Variants in ADAM18 observed in about 807,000 individuals in gnomAD.
ADAM18 encodes the protein ADAM metallopeptidase domain 18, also known as disintegrin and metalloproteinase domain-containing protein 18.
ADAM18 carries 117 observed loss-of-function variants against 94.4 expected under a neutral mutation model. The ratio of observed to expected loss-of-function variants is 1.24; its 90% CI spans 1.07 to 1.45. The LOEUF is 1.45. ADAM18 is among the 40% of genes most tolerant of loss of function. The pLI is 0.00. For synonymous variants in ADAM18, 327 were observed against 291.6 expected (o/e 1.12, Z -1.24); for missense variants, 936 against 880.0 (o/e 1.06, Z -0.81).
At chr8:39,626,658 A>G (rs1311266374) in intron 6 of ADAM18, among the ~76,000 whole-genome samples, 1 of 152,004 alleles carries the variant, frequency 6.6e-6, no homozygotes, top group Non-Finnish European at 1.5e-5. Context: ...GTTTATTGTT[A>G]ACCCCAAAAT....
intron 12 of ADAM18, among the ~76,000 whole-genome samples, chr8:39,660,536 A>C (rs1261632171): frequency 1.3e-5 from 2 of 152,214 alleles, no homozygotes. Flanking sequence ...ATAATTCATC[A>C]AGAATACATA....
At chr8:39,676,387 G>A (rs1466425150) in intron 14 of ADAM18, among the ~76,000 whole-genome samples, 1 of 152,224 alleles carries the variant, frequency 6.6e-6, no homozygotes, top group Non-Finnish European at 1.5e-5. Flanking sequence ...CTGCCACCTT[G>A]CAGATTGATC....
chr8:39,642,717 T>C (rs547238150), intron 10 of ADAM18, among the ~76,000 whole-genome samples: 58 of 151,712 alleles, frequency 3.8e-4, no homozygotes, highest in African/African-American at 1.3e-3. Context: ...TGTTTTCTTG[T>C]TGTTTTCATT....
chr8:39,694,449 T>G (rs187170778), intron 17 of ADAM18, among the ~76,000 whole-genome samples: 253 of 151,570 alleles, frequency 1.7e-3, no homozygotes, highest in Non-Finnish European at 2.6e-3. Context: ...CTGTTTTTAG[T>G]TCAATTTTTG....
At chr8:39,620,331 G>A in intron 6 of ADAM18, among the ~76,000 whole-genome samples, 1 of 125,398 alleles carries the variant, frequency 8.0e-6, no homozygotes, top group Admixed American at 9.1e-5. Context: ...TTTTAGACAG[G>A]ACCTCAAAAG....
chr8:39,683,611 A>G, intron 16 of ADAM18, among the ~76,000 whole-genome samples: 1 of 152,240 alleles, frequency 6.6e-6, no homozygotes, highest in Middle Eastern at 3.4e-3. Context: ...TTATTTACTC[A>G]TTTTTATATG....
chr8:39,632,191 G>C (rs1463875250), intron 7 of ADAM18, among the ~76,000 whole-genome samples: 1 of 150,370 alleles, frequency 6.7e-6, no homozygotes, highest in Non-Finnish European at 1.5e-5. Flanking sequence ...CATGTATTTA[G>C]TAATTTACCT....
At chr8:39,676,785 A>G (rs1821315173) in intron 14 of ADAM18, among the ~76,000 whole-genome samples, 1 of 152,192 alleles carries the variant, frequency 6.6e-6, no homozygotes, top group Non-Finnish European at 1.5e-5. Context: ...TGGCAAGTGT[A>G]TTATTTTCTA....
intron 13 of ADAM18, among the ~76,000 whole-genome samples, chr8:39,664,991 C>T (rs1820955196): frequency 6.6e-6 from 1 of 151,842 alleles, no homozygotes; most frequent in African/African-American, 2.4e-5. Flanking sequence ...TGAATATTCC[C>T]AAGTGTCAGA....
intron 17 of ADAM18, among the ~76,000 whole-genome samples, chr8:39,701,217 AT>A (rs1372193714): frequency 2.8e-5 from 4 of 141,604 alleles, no homozygotes; most frequent in Admixed American, 7.2e-5. Context: ...CCATCTTTTA[AT>A]TTTTTTCTAA....
chr8:39,706,873 T>C lies in ADAM18; in HGVS notation c.1986T>C (p.Gly662=), dbSNP rs569176282. 52 of 1,605,606 alleles carry C rather than the reference T, an allele frequency of 3.2e-5. No homozygotes were observed. The East Asian group carries it at 6.5e-4, about 20-fold the overall frequency. The change falls in exon 18 of 20, where the codon GGT becomes GGC. Residue 662 remains glycine (G), a synonymous_variant. Transcript: ENST00000265707. Reference sequence around the variant, plus strand: ...AATTCCAGTTTGGTTCCCCAGGGGGTAGTATTGATGATGGAAATTTTCAGA... The same window carrying C: ...AATTCCAGTTTGGTTCCCCAGGGGGCAGTATTGATGATGGAAATTTTCAGA... The part of the protein sequence containing the change: ...DCKFQFGSPG[G]SIDDGNFQKS...
intron 2 of ADAM18, among the ~76,000 whole-genome samples, chr8:39,595,030 T>C (rs1818699731): frequency 1.3e-5 from 2 of 152,122 alleles, no homozygotes; most frequent in Non-Finnish European, 2.9e-5. Flanking sequence ...TGTCATTTTC[T>C]GGTAGAATTT....
intron 18 of ADAM18, among the ~76,000 whole-genome samples, chr8:39,708,361 A>AT (rs1425078167): frequency 6.6e-6 from 1 of 152,216 alleles, no homozygotes; most frequent in East Asian, 1.9e-4. Context: ...AATTTTTAAA[A>AT]TCTCATATAG....
At chr8:39,642,750 A>G (rs1247028203) in intron 10 of ADAM18, among the ~76,000 whole-genome samples, 2 of 151,814 alleles carry the variant, frequency 1.3e-5, no homozygotes, top group African/African-American at 4.8e-5. Context: ...TTTGCTTACA[A>G]TTGCCTTTCT....
intron 16 of ADAM18, among the ~76,000 whole-genome samples, chr8:39,692,045 G>A (rs1220818715): frequency 6.6e-6 from 1 of 151,614 alleles, no homozygotes; most frequent in African/African-American, 2.4e-5. Context: ...CATAAATGAG[G>A]CAAAACACCA....
At position 39,723,485 on chromosome 8, in the gene ADAM18, T is replaced by C. The variant is rs114587659; in HGVS notation, c.2018-263T>C. Among the ~76,000 whole-genome samples the C allele has an allele frequency of 5.2e-3, 790 of 151,684 alleles. 3 individuals carry two copies. The highest frequency in any genetic ancestry group is 0.018 in the African/African-American group (736 of 41,498). On this transcript the variant is annotated intron_variant, in intron 18 of 19. Transcript: ENST00000265707. ...TATTACTGTATTAACTTGTAAAGTA[T>C]TGATGTTACAAATAAGCTGAATGCA...
intron 13 of ADAM18, 124 bp downstream of exon 13, chr8:39,664,014 C>A: frequency 3.1e-6 from 2 of 645,606 alleles, no homozygotes; most frequent in South Asian, 2.3e-5. Flanking sequence ...ATGTAGAGTG[C>A]ATGAACAAAC....
intron 10 of ADAM18, among the ~76,000 whole-genome samples, chr8:39,641,078 A>G (rs1820224189): frequency 6.6e-6 from 1 of 151,932 alleles, no homozygotes; most frequent in South Asian, 2.1e-4. Context: ...TCATGAAATC[A>G]TTGCCCATGT....
Position 39,610,532 on chromosome 8 carries a change from A to G in ADAM18, c.348A>G (p.Gly116=). 6.3e-7 allele frequency: 1 copy of G among 1,597,154 alleles called. No individual in the cohort carries two copies. Among genetic ancestry groups the G allele is most frequent in the African/African-American group, 1.3e-5 (1 of 74,474 alleles). The change falls in exon 6 of 20, where the codon GGA becomes GGG. Residue 116 remains glycine (G), a synonymous_variant. Transcript: ENST00000265707. The part of the protein sequence containing the change: ...VTLSICSGLR[G]FLQFENISYG... ...CTTATGCCTTCTAAATTTTCAGGGG[A>G]TTTCTCCAGTTTGAAAATATCAGTT...
Sources: allele counts gnomAD v4.1 joint callset (sites outside exome capture counted in the v4.1 genomes callset), GRCh38; gene constraint gnomAD v4.1.1; transcripts MANE v1.5; gene names NCBI Gene and HGNC (gene_info 2026-07-23, HGNC 2026-07-21).